Variants in NELL1 observed in about 807,000 individuals in gnomAD.
The protein encoded by NELL1 is protein kinase C-binding protein NELL1.
Under a neutral mutation model 107.4 loss-of-function variants are expected in NELL1, and 76 were observed. That is an observed-to-expected ratio of 0.71 (90% confidence interval 0.59 to 0.86). The LOEUF is 0.86. NELL1 is among the 40% of genes least tolerant of loss of function. The pLI is 0.00. For missense variants in NELL1, 1,024 were observed against 1,005.5 expected (o/e 1.02, Z -0.25); for synonymous variants, 353 against 341.2 (o/e 1.03, Z -0.38).
intron 15 of NELL1, among the ~76,000 whole-genome samples, chr11:21,514,562 AG>A (rs560800790): frequency 6.6e-6 from 1 of 152,200 alleles, no homozygotes; most frequent in Non-Finnish European, 1.5e-5. Context: ...CATGAATTGA[AG>A]GTTGCCAGAT....
chr11:21,315,943 T>G (rs942775337), intron 14 of NELL1, among the ~76,000 whole-genome samples: 1 of 151,842 alleles, frequency 6.6e-6, no homozygotes, highest in South Asian at 2.1e-4. Context: ...GGCTATGGAG[T>G]GTTTTAAAAG....
chr11:20,861,694 G>A (rs1848982150), intron 4 of NELL1, among the ~76,000 whole-genome samples: 1 of 152,206 alleles, frequency 6.6e-6, no homozygotes, highest in Non-Finnish European at 1.5e-5. Flanking sequence ...CTTATTTTGT[G>A]TGGCTGAAAT....
chr11:21,117,989 T>G (rs1433298521), intron 13 of NELL1, among the ~76,000 whole-genome samples: 1 of 152,066 alleles, frequency 6.6e-6, no homozygotes. Flanking sequence ...CATGCCTATA[T>G]AGTGAGTGAT....
At chr11:20,744,753 G>A (rs7111284) in intron 2 of NELL1, among the ~76,000 whole-genome samples, 30,703 of 152,058 alleles carry the variant, frequency 0.2, 3,422 homozygotes, top group South Asian at 0.28. Context: ...AAATTCATAC[G>A]GTCAAACTCA....
intron 2 of NELL1, among the ~76,000 whole-genome samples, chr11:20,695,736 T>G (rs776961058): frequency 4.6e-5 from 7 of 152,090 alleles, no homozygotes; most frequent in Non-Finnish European, 5.9e-5. Flanking sequence ...GCTTATAGTT[T>G]TAGTTTTTCA....
chr11:21,159,808 C>T (rs990993178), intron 13 of NELL1, among the ~76,000 whole-genome samples: 2 of 152,180 alleles, frequency 1.3e-5, no homozygotes, highest in Non-Finnish European at 1.5e-5. Context: ...AAACACACCA[C>T]CCACTATCTG....
intron 13 of NELL1, among the ~76,000 whole-genome samples, chr11:21,225,412 C>T (rs895475246): frequency 1.3e-5 from 2 of 152,166 alleles, no homozygotes; most frequent in Non-Finnish European, 2.9e-5. Context: ...TGCTGGCAAT[C>T]TCCCACTTTC....
At chr11:21,337,055 A>G (rs534465553) in intron 14 of NELL1, among the ~76,000 whole-genome samples, 6 of 152,180 alleles carry the variant, frequency 3.9e-5, no homozygotes, top group Non-Finnish European at 7.4e-5. Flanking sequence ...GTTGAAATGG[A>G]AAGAATTCTT....
At chr11:20,894,744 A>G (rs925541261) in intron 5 of NELL1, among the ~76,000 whole-genome samples, 1 of 152,216 alleles carries the variant, frequency 6.6e-6, no homozygotes, top group African/African-American at 2.4e-5. Context: ...TATATGTCCT[A>G]TGACCAAGAA....
At chr11:21,056,887 G>T (rs1488596810) in intron 12 of NELL1, among the ~76,000 whole-genome samples, 1 of 152,000 alleles carries the variant, frequency 6.6e-6, no homozygotes, top group Non-Finnish European at 1.5e-5. Flanking sequence ...GGAGTAAGTG[G>T]CAGAAATATG....
At position 21,205,711 on chromosome 11, in the gene NELL1, C is replaced by T. The variant is rs372924587; in HGVS notation, c.1427-23621C>T. On this transcript the variant is annotated intron_variant, in intron 13 of 19. Coordinates refer to ENST00000357134, the MANE Select transcript of NELL1 (RefSeq NM_006157.5). Reference sequence around the variant, plus strand: ...CTCGCTGTCTGCCCAAATAGCCGTCCAGTTTATATTTTTCTTAATACCATT... The same window carrying T: ...CTCGCTGTCTGCCCAAATAGCCGTCTAGTTTATATTTTTCTTAATACCATT... 1.1e-4 allele frequency among the ~76,000 whole-genome samples: 17 copies of T among 152,232 alleles called. No homozygotes were observed. In the South Asian group the frequency reaches 3.5e-3, roughly 32 times the overall value.
intron 12 of NELL1, among the ~76,000 whole-genome samples, chr11:21,035,663 A>G (rs1416826923): frequency 6.6e-6 from 1 of 152,060 alleles, no homozygotes; most frequent in Non-Finnish European, 1.5e-5. Flanking sequence ...ATGCAGAAAA[A>G]GCTTTCAATA....
At chr11:21,115,669 G>A (rs1178126844) in intron 13 of NELL1, among the ~76,000 whole-genome samples, 3 of 151,588 alleles carry the variant, frequency 2.0e-5, no homozygotes, top group Non-Finnish European at 4.4e-5. Flanking sequence ...CATGAGAACC[G>A]CCCTCCCTCC....
intron 15 of NELL1, among the ~76,000 whole-genome samples, chr11:21,377,939 A>C (rs895591845): frequency 2.0e-5 from 3 of 151,992 alleles, no homozygotes; most frequent in African/African-American, 7.2e-5. Flanking sequence ...TAGTTCAGAT[A>C]ATTCTTTATT....
rs574628981 is a variant in NELL1 at position 21,295,692 on chromosome 11, C to T, written c.1549+66238C>T. Reference sequence around the variant, plus strand: ...GCTAGACATTTTTTGAAGGGAGGCACTTGGTCCTTGGAGTTTCCCTGACAA... The same window carrying T: ...GCTAGACATTTTTTGAAGGGAGGCATTTGGTCCTTGGAGTTTCCCTGACAA... On this transcript the variant is annotated intron_variant, in intron 14 of 19. Coordinates refer to ENST00000357134, the MANE Select transcript of NELL1 (RefSeq NM_006157.5). Among the ~76,000 whole-genome samples, 251 of 152,108 alleles carry T rather than the reference C, an allele frequency of 1.7e-3. 2 individuals are homozygous for T. The Middle Eastern group carries it at 0.02, about 12-fold the overall frequency.
At chr11:20,760,969 A>G (rs909808704) in intron 2 of NELL1, among the ~76,000 whole-genome samples, 2 of 152,054 alleles carry the variant, frequency 1.3e-5, no homozygotes, top group Non-Finnish European at 1.5e-5. Flanking sequence ...AAAAGCCGCT[A>G]TTGTGTGCTG....
At chr11:21,080,689 T>C (rs1468360436) in intron 12 of NELL1, among the ~76,000 whole-genome samples, 4 of 152,136 alleles carry the variant, frequency 2.6e-5, no homozygotes, top group Non-Finnish European at 5.9e-5. Context: ...TGTTTATCTG[T>C]AGAAAAATAA....
rs1017373703 is a variant in NELL1, at chr11:20,681,523, C to G, written c.184+3463C>G. On this transcript the variant is annotated intron_variant, in intron 2 of 19. Coordinates refer to ENST00000357134, the MANE Select transcript of NELL1 (RefSeq NM_006157.5). The stretch of plus-strand genomic sequence containing the variant: ...GTTGAAGGCAACTGGCCTTTTCTAC[C>G]AAGCTCCTTAAAAATTTTCCAGCCT... Among the ~76,000 whole-genome samples, 8 of 151,922 alleles carry G rather than the reference C, an allele frequency of 5.3e-5. No individual in the cohort carries two copies. In the East Asian group the frequency reaches 1.5e-3, roughly 29 times the overall value.
At chr11:21,390,586 A>G (rs1015078022) in intron 15 of NELL1, among the ~76,000 whole-genome samples, 3 of 151,498 alleles carry the variant, frequency 2.0e-5, no homozygotes, top group African/African-American at 4.8e-5. Flanking sequence ...TGTATATTAG[A>G]TCAGTATTCA....
Sources: allele counts gnomAD v4.1 joint callset (sites outside exome capture counted in the v4.1 genomes callset), GRCh38; gene constraint gnomAD v4.1.1; transcripts MANE v1.5; gene names NCBI Gene and HGNC (gene_info 2026-07-23, HGNC 2026-07-21).